The following DCC variants were observed in gnomAD, a reference collection of about 807,000 sequenced individuals.
The protein encoded by DCC is DCC netrin 1 receptor.
Under a neutral mutation model 172.5 loss-of-function variants are expected in DCC, and 58 were observed. The ratio of observed to expected loss-of-function variants is 0.34; its 90% CI spans 0.27 to 0.42. The LOEUF is 0.42. DCC is among the 10% of genes least tolerant of loss of function. DCC has a pLI of 1.00. For synonymous variants in DCC, 709 were observed against 644.5 expected (o/e 1.10, Z -1.52); for missense variants, 1,740 against 1,791.0 (o/e 0.97, Z 0.51).
chr18:53,238,567 A>G (rs1421343838), intron 12 of DCC, among the ~76,000 whole-genome samples: 1 of 151,944 alleles, frequency 6.6e-6, no homozygotes, highest in East Asian at 1.9e-4. Context: ...CCAAGCTCTT[A>G]TAAGCCTTAT....
chr18:52,830,166 A>AAT (rs1428074175), intron 2 of DCC, among the ~76,000 whole-genome samples: 2 of 152,212 alleles, frequency 1.3e-5, no homozygotes, highest in African/African-American at 4.8e-5. Flanking sequence ...TAGGAAGCCA[A>AAT]ATAGTATAAA....
chr18:52,663,283 ACC>A (rs2144952209), intron 1 of DCC, among the ~76,000 whole-genome samples: 1 of 152,348 alleles, frequency 6.6e-6, no homozygotes, highest in East Asian at 1.9e-4. Flanking sequence ...ATGGGAAAGA[ACC>A]AATAAAGAGG....
At chr18:53,057,069 C>G (rs1456936856) in intron 5 of DCC, among the ~76,000 whole-genome samples, 1 of 94,496 alleles carries the variant, frequency 1.1e-5, no homozygotes, top group African/African-American at 4.5e-5. Context: ...AGCTAAGTAA[C>G]TTCTAAAAGT....
intron 1 of DCC, among the ~76,000 whole-genome samples, chr18:52,583,283 T>C (rs2033595392): frequency 6.6e-6 from 1 of 152,184 alleles, no homozygotes; most frequent in African/African-American, 2.4e-5. Context: ...GAGAGAAGTA[T>C]TTCATTTCAA....
At chr18:52,627,667 G>A (rs918510253) in intron 1 of DCC, among the ~76,000 whole-genome samples, 1 of 152,182 alleles carries the variant, frequency 6.6e-6, no homozygotes, top group South Asian at 2.1e-4. Context: ...CATTCCACTT[G>A]TTGCTTCTTG....
At chr18:53,104,246 T>G (rs1433995941) in intron 7 of DCC, among the ~76,000 whole-genome samples, 1 of 152,054 alleles carries the variant, frequency 6.6e-6, no homozygotes, top group East Asian at 1.9e-4. Flanking sequence ...GGTTTGGCTC[T>G]GCGTCCCCAC....
intron 1 of DCC, among the ~76,000 whole-genome samples, chr18:52,541,877 A>ATATATATATATATATATATATATG (rs1568220106): frequency 7.3e-5 from 5 of 68,796 alleles, no homozygotes; most frequent in Admixed American, 1.7e-4. Flanking sequence ...GTGTGTGTGT[A>ATATATATATATATATATATATATG]TATATATATA....
At chr18:52,762,562 G>A (rs914137709) in intron 2 of DCC, among the ~76,000 whole-genome samples, 1 of 152,148 alleles carries the variant, frequency 6.6e-6, no homozygotes, top group African/African-American at 2.4e-5. Flanking sequence ...GGTGGCTCAT[G>A]CCTGTAATCC....
chr18:52,426,573 C>T (rs1471962404), intron 1 of DCC, among the ~76,000 whole-genome samples: 1 of 151,986 alleles, frequency 6.6e-6, no homozygotes, highest in Non-Finnish European at 1.5e-5. Flanking sequence ...CCAGCAACCA[C>T]CGACAAAAAC....
intron 1 of DCC, among the ~76,000 whole-genome samples, chr18:52,581,705 A>G (rs144402886): frequency 1.5e-4 from 23 of 152,242 alleles, no homozygotes; most frequent in African/African-American, 4.8e-4. Context: ...AGCAAACTCC[A>G]GGAACATGTC....
intron 1 of DCC, among the ~76,000 whole-genome samples, chr18:52,349,903 G>A (rs527622634): frequency 2.0e-5 from 3 of 152,056 alleles, no homozygotes; most frequent in South Asian, 4.2e-4. Flanking sequence ...TGTAATCAAG[G>A]GGCCTAACTC....
At chr18:53,437,582 CAAAAAAAAAAAAAAAA>C (rs74180424) in intron 22 of DCC, among the ~76,000 whole-genome samples, 1 of 20,806 alleles carries the variant, frequency 4.8e-5, no homozygotes, top group African/African-American at 2.1e-4. Flanking sequence ...GGCTCCATCT[CAAAAAAAAAAAAAAAA>C]AAAAAAAAAA....
chr18:52,644,299 C>T (rs2034966750), intron 1 of DCC, among the ~76,000 whole-genome samples: 1 of 152,058 alleles, frequency 6.6e-6, no homozygotes, highest in Middle Eastern at 3.2e-3. Flanking sequence ...TGTGTAGAGG[C>T]TGGGTGTGAT....
At chr18:53,088,399 CTGTT>C (rs1442373696) in intron 7 of DCC, among the ~76,000 whole-genome samples, 4 of 152,246 alleles carry the variant, frequency 2.6e-5, no homozygotes, top group East Asian at 1.9e-4. Flanking sequence ...ATTTGGCTCT[CTGTT>C]TGTCTATTAT....
intron 25 of DCC, 103 bp downstream of exon 25, chr18:53,468,113 C>T (rs950974143): frequency 2.7e-6 from 2 of 735,996 alleles, no homozygotes; most frequent in African/African-American, 1.7e-5. Context: ...TTTCCCTGAA[C>T]TTTCTGGACA....
intron 7 of DCC, among the ~76,000 whole-genome samples, chr18:53,102,892 C>T (rs1284552583): frequency 6.6e-6 from 1 of 152,066 alleles, no homozygotes; most frequent in African/African-American, 2.4e-5. Context: ...AATACACCCC[C>T]AAGTTATCAG....
intron 7 of DCC, among the ~76,000 whole-genome samples, chr18:53,143,050 G>C (rs561946367): frequency 6.6e-6 from 1 of 152,240 alleles, no homozygotes; most frequent in East Asian, 1.9e-4. Context: ...TAATATCAAG[G>C]ATACGTGACA....
chr18:52,382,731 G>T (rs944455999), intron 1 of DCC, among the ~76,000 whole-genome samples: 1 of 152,054 alleles, frequency 6.6e-6, no homozygotes, highest in African/African-American at 2.4e-5. Flanking sequence ...TAGATTGATG[G>T]TGACTTTAAT....
rs192092588 is a variant in DCC, at chr18:52,659,701, C to T, written c.92-92353C>T. 2.8e-4 allele frequency among the ~76,000 whole-genome samples: 42 copies of T among 152,214 alleles called. 1 individual carries two copies. In the South Asian group the frequency reaches 4.8e-3, roughly 17 times the overall value. The stretch of plus-strand genomic sequence containing the variant: ...TTTACTACAACTCAACAAATGCTTT[C>T]GAACCACTGAACCCAATACATTTTT... On this transcript the variant is annotated intron_variant, in intron 1 of 28. Transcript: ENST00000442544.
Sources: gnomAD v4.1 joint callset for allele counts (sites outside exome capture counted in the v4.1 genomes callset) on GRCh38, gnomAD v4.1.1 for gene constraint, MANE v1.5 for transcripts, NCBI Gene and HGNC (gene_info 2026-07-23, HGNC 2026-07-21) for gene names.